Variants in LRBA observed in about 807,000 individuals in gnomAD.
LRBA encodes the protein lipopolysaccharide-responsive and beige-like anchor protein.
In LRBA, 176 loss-of-function variants were observed where a neutral mutation model predicts 330.0. The ratio of observed to expected loss-of-function variants is 0.53; its 90% CI spans 0.47 to 0.60. The LOEUF is 0.60. LRBA is among the 20% of genes least tolerant of loss of function. The pLI is 0.00. For synonymous variants in LRBA, 1,230 were observed against 1,193.0 expected (o/e 1.03, Z -0.64); for missense variants, 3,259 against 3,444.8 (o/e 0.95, Z 1.35).
intron 42 of LRBA, among the ~76,000 whole-genome samples, chr4:150,486,290 A>G (rs1757860666): frequency 6.6e-6 from 1 of 151,940 alleles, no homozygotes; most frequent in African/African-American, 2.4e-5. Context: ...GGTTTCCTCT[A>G]GGTAGCACAT....
intron 35 of LRBA, among the ~76,000 whole-genome samples, chr4:150,757,338 T>C (rs867383365): frequency 3.3e-5 from 5 of 152,172 alleles, no homozygotes; most frequent in Admixed American, 6.5e-5. Context: ...ATCAGCAGTT[T>C]CTACCAAACA....
At chr4:150,547,989 C>T (rs1581640065) in intron 40 of LRBA, among the ~76,000 whole-genome samples, 1 of 152,078 alleles carries the variant, frequency 6.6e-6, no homozygotes, top group Non-Finnish European at 1.5e-5. Context: ...AATGGAATGC[C>T]TTAAACATAT....
At chr4:150,358,798 T>A (rs1318347612) in intron 47 of LRBA, among the ~76,000 whole-genome samples, 3 of 152,122 alleles carry the variant, frequency 2.0e-5, no homozygotes, top group African/African-American at 7.2e-5. Context: ...ATAAAAAAAA[T>A]TTAATCCCTT....
At chr4:150,357,865 C>T (rs961968249) in intron 47 of LRBA, among the ~76,000 whole-genome samples, 4 of 151,980 alleles carry the variant, frequency 2.6e-5, no homozygotes, top group Non-Finnish European at 5.9e-5. Context: ...CATGAAATTT[C>T]AAATACTTGT....
chr4:150,813,310 C>CAT (rs1236101147), intron 31 of LRBA, among the ~76,000 whole-genome samples: 2 of 152,066 alleles, frequency 1.3e-5, no homozygotes, highest in East Asian at 3.9e-4. Flanking sequence ...TGAAAACATG[C>CAT]ATATACAAGG....
intron 37 of LRBA, among the ~76,000 whole-genome samples, chr4:150,617,069 C>G (rs1036364405): frequency 1.3e-5 from 2 of 152,062 alleles, no homozygotes; most frequent in African/African-American, 4.8e-5. Context: ...AATACTGACA[C>G]TCAAGTATCA....
At chr4:150,380,095 C>G in intron 47 of LRBA, among the ~76,000 whole-genome samples, 1 of 150,642 alleles carries the variant, frequency 6.6e-6, no homozygotes. Flanking sequence ...AGGAGAATCA[C>G]TTGAACCCAG....
rs144217139 is a variant in LRBA at position 150,320,627 on chromosome 4, C to G, written c.7630+564G>C. Reference sequence around the variant, plus strand: ...TTCAAGACCAGCCTGGGCAACATAGCGAGCCCATCTCTACGAAAAGTTAAA... The same window carrying G: ...TTCAAGACCAGCCTGGGCAACATAGGGAGCCCATCTCTACGAAAAGTTAAA... On this transcript the variant is annotated intron_variant, in intron 50 of 56. Coordinates refer to ENST00000651943, the MANE Select transcript of LRBA (RefSeq NM_001364905.1). Among the ~76,000 whole-genome samples the G allele has an allele frequency of 5.1e-4, 78 of 151,650 alleles. 1 individual carries two copies. The South Asian group carries it at 8.6e-3, about 17-fold the overall frequency.
chr4:150,801,086 CTT>C (rs2126682657), intron 33 of LRBA, among the ~76,000 whole-genome samples: 1 of 152,150 alleles, frequency 6.6e-6, no homozygotes, highest in East Asian at 1.9e-4. Flanking sequence ...TAAGAGCCCT[CTT>C]GTTTTTTGTA....
rs140812271 is a variant in LRBA, at chr4:150,744,127, T to C, written c.5646-8761A>G. ...CATTACAGACAAAAACCATCCCTAG[T>C]GTAATTTTAAAACCCACTAATGAAT... is the stretch of plus-strand genomic sequence containing the variant. On this transcript the variant is annotated intron_variant, in intron 35 of 56. Coordinates refer to ENST00000651943, the MANE Select transcript of LRBA (RefSeq NM_001364905.1). Among the ~76,000 whole-genome samples, 803 of 152,282 alleles carry C rather than the reference T, an allele frequency of 5.3e-3. 3 individuals are homozygous for C. The highest frequency in any genetic ancestry group is 0.018 in the African/African-American group (748 of 41,556).
chr4:150,648,385 T>A (rs754767824), intron 37 of LRBA, among the ~76,000 whole-genome samples: 9 of 151,566 alleles, frequency 5.9e-5, no homozygotes, highest in Non-Finnish European at 1.0e-4. Context: ...AAGTTCAAGA[T>A]CTAAGAAACC....
At chr4:150,795,993 A>G (rs1740723421) in intron 34 of LRBA, among the ~76,000 whole-genome samples, 1 of 152,020 alleles carries the variant, frequency 6.6e-6, no homozygotes, top group Non-Finnish European at 1.5e-5. Context: ...TGTTAAGTTC[A>G]TAAGCATATC....
chr4:150,987,630 T>C (rs1175834667), intron 2 of LRBA, among the ~76,000 whole-genome samples: 1 of 151,040 alleles, frequency 6.6e-6, no homozygotes, highest in Non-Finnish European at 1.5e-5. Context: ...CGCTTGAACC[T>C]GGGAGACAGA....
chr4:150,655,731 G>A (rs1367477501), intron 37 of LRBA, among the ~76,000 whole-genome samples: 1 of 152,090 alleles, frequency 6.6e-6, no homozygotes, highest in Admixed American at 6.5e-5. Context: ...TTTCACTCAG[G>A]ACAGAAACAA....
At chr4:150,766,585 CA>C (rs1039056178) in intron 34 of LRBA, among the ~76,000 whole-genome samples, 5 of 152,272 alleles carry the variant, frequency 3.3e-5, no homozygotes, top group Admixed American at 2.0e-4. Flanking sequence ...TTAGTCTAAA[CA>C]ATTTCATAAA....
chr4:151,008,079 C>CTT (rs1038898858), intron 2 of LRBA, among the ~76,000 whole-genome samples: 1 of 143,358 alleles, frequency 7.0e-6, no homozygotes, highest in Admixed American at 7.0e-5. Flanking sequence ...AAGTTTTTTT[C>CTT]TTTTTTTTTT....
At chr4:150,554,433 T>C (rs1767022838) in intron 40 of LRBA, among the ~76,000 whole-genome samples, 1 of 152,178 alleles carries the variant, frequency 6.6e-6, no homozygotes, top group Non-Finnish European at 1.5e-5. Context: ...AACCAAAATG[T>C]AATAATCTGC....
chr4:150,814,126 TA>T (rs1744199174), intron 31 of LRBA, among the ~76,000 whole-genome samples: 1 of 152,098 alleles, frequency 6.6e-6, no homozygotes. Flanking sequence ...ACTGAATGTG[TA>T]TTGCTTTCAC....
rs1561250553 is a variant in LRBA, at chr4:150,489,287, A to ATATATTACATATAC, written c.6449-1454_6449-1453insGTATATGTAATATA. On this transcript the variant is annotated intron_variant, in intron 41 of 56. Coordinates refer to ENST00000651943, the MANE Select transcript of LRBA (RefSeq NM_001364905.1). Reference sequence around the variant, plus strand: ...AAGAATATATAATATATTATATATAAGAATATATAATATATTATATATAAG... The same window carrying ATATATTACATATAC: ...AAGAATATATAATATATTATATATAATATATTACATATACGAATATATAATATATTATATATAAG... Among the ~76,000 whole-genome samples the ATATATTACATATAC allele has an allele frequency of 1.5e-3, 88 of 57,160 alleles. 6 individuals carry two copies. Among genetic ancestry groups the ATATATTACATATAC allele is most frequent in the Non-Finnish European group, 1.8e-3 (61 of 34,542 alleles). 37.5% of individuals were successfully genotyped at this position (57,160 alleles called of 152,430 possible). A position where few individuals can be genotyped will look rare whatever the true frequency, so the allele number is the denominator to read the frequency against.
Sources: gnomAD v4.1 joint callset for allele counts (sites outside exome capture counted in the v4.1 genomes callset) on GRCh38, gnomAD v4.1.1 for gene constraint, MANE v1.5 for transcripts, NCBI Gene and HGNC (gene_info 2026-07-23, HGNC 2026-07-21) for gene names.